Variants in SCYL1 observed in about 807,000 individuals in gnomAD.
The protein encoded by SCYL1 is N-terminal kinase-like protein.
SCYL1 carries 85 observed loss-of-function variants against 94.8 expected under a neutral mutation model. That is an observed-to-expected ratio of 0.90 (90% CI 0.75 to 1.07). SCYL1 has a LOEUF of 1.07. Ranked by LOEUF, SCYL1 falls within the 50% of genes least tolerant of loss-of-function variation. The pLI, the probability that SCYL1 is intolerant of heterozygous loss-of-function variation, is 0.00. For missense variants in SCYL1, 968 were observed against 1,083.3 expected, an observed-to-expected ratio of 0.89 and a Z score of 1.49; for synonymous variants, 459 against 435.5, an observed-to-expected ratio of 1.05 and a Z score of -0.67.
Position 65,527,056 on chromosome 11 carries a change from C to T in SCYL1, c.788C>T (p.Ala263Val), listed in dbSNP as rs1277907116. The change falls in exon 6 of 18, where the codon GCA (alanine) becomes GTA (valine). Residue 263 changes from alanine to valine, a missense_variant. Physicochemically the swap from Ala to Val is moderately conservative, Grantham distance 64 (BLOSUM62 0). Transcript: ENST00000270176. ...NPARFLQNCR[A>V]PGGFMSNRFV... ...GCCCGCTTCCTGCAGAACTGCCGGG[C>T]ACCTGGTGGCTTCATGAGCAACCGC... is the stretch of plus-strand genomic sequence containing the variant. 6.2e-7 allele frequency: 1 copy of T among 1,613,546 alleles called. No individual in the cohort carries two copies. Among genetic ancestry groups the T allele is most frequent in the African/African-American group, 1.3e-5 (1 of 74,920 alleles).
In SCYL1 at chr11:65,532,655, G is replaced by A. The variant is rs952506175; in HGVS notation, c.1117-37G>A. On this transcript the variant is annotated intron_variant, in intron 8 of 17. Transcript: ENST00000270176. ...ATGGCTATGGGGATAGAGTGGGAAG[G>A]GCTGACCATGTTGACGCATCCCAAC... 7.2e-6 allele frequency: 11 copies of A among 1,524,386 alleles called. No individual in the cohort carries two copies. The Admixed American group carries it at 1.8e-4, about 26-fold the overall frequency. The allele number at this position is 1,524,386 out of a possible 1,614,324, so 94.4% of individuals were successfully genotyped here.
intron 15 of SCYL1, 43 bp downstream of exon 15, chr11:65,537,923 C>A (rs750596335): frequency 1.3e-6 from 2 of 1,583,742 alleles, no homozygotes; most frequent in East Asian, 2.3e-5. Flanking sequence ...GGGGCTCTTT[C>A]CTCCTTGGGC....
chr11:65,538,597 G>A lies in SCYL1; in HGVS notation c.*31G>A, dbSNP rs2135110586. On this transcript the variant is annotated 3_prime_UTR_variant, in exon 18 of 18. Transcript: ENST00000270176. ...GGCGGTGGCCCTTCCCGGCTGCGGAGAGCCCGCCCCACAGATGTATTTATT... is the reference window on the plus strand; with the variant it reads ...GGCGGTGGCCCTTCCCGGCTGCGGAAAGCCCGCCCCACAGATGTATTTATT... 2.5e-6 allele frequency: 4 copies of A among 1,600,350 alleles called. No homozygotes were observed. The highest frequency in any genetic ancestry group is 2.2e-5 in the East Asian group (1 of 44,550).
In SCYL1 at chr11:65,537,092, T is replaced by C. The variant is rs748185741; in HGVS notation, c.1923T>C (p.Ala641=). The change falls in exon 14 of 18, where the codon GCT becomes GCC. Residue 641 remains alanine (A), a synonymous_variant. Coordinates refer to ENST00000270176, the MANE Select transcript of SCYL1 (RefSeq NM_020680.4). The stretch of plus-strand genomic sequence containing the variant: ...ACACAGCAGAGGACAGCAGCACTGC[T>C]GACAGATGGGACGACGAAGACTGGG... The part of the protein sequence containing the change: ...DKDTAEDSST[A]DRWDDEDWGS... The C allele has an allele frequency of 5.6e-6, 9 of 1,614,126 alleles. No homozygotes were observed. The East Asian group carries it at 2.0e-4, about 36-fold the overall frequency.
rs558878075 is a variant in SCYL1 at position 65,535,343 on chromosome 11, A to C, written c.1347A>C (p.Thr449=). The C allele has an allele frequency of 2.9e-5, 47 of 1,614,258 alleles. No homozygotes were observed. The South Asian group carries it at 4.0e-4, about 14-fold the overall frequency. The change falls in exon 10 of 18, where the codon ACA becomes ACC. Residue 449 remains threonine, a synonymous_variant. Coordinates refer to ENST00000270176, the MANE Select transcript of SCYL1 (RefSeq NM_020680.4). ...DEQGPIRCNT[T]VCLGKIGSYL... ...AGGGCCCCATCCGCTGCAACACCAC[A>C]GTCTGCCTGGGCAAAATCGGCTCCT...
rs1855330170 is a variant in SCYL1 at position 65,530,899 on chromosome 11, G to C, written c.1008+112G>C. 10 of 1,212,012 alleles carry C rather than the reference G, an allele frequency of 8.3e-6. No individual in the cohort carries two copies. The South Asian group carries it at 1.4e-4, about 17-fold the overall frequency. 75.1% of individuals were successfully genotyped at this position (1,212,012 alleles called of 1,614,324 possible). On this transcript the variant is annotated intron_variant, in intron 7 of 17. Coordinates refer to ENST00000270176, the MANE Select transcript of SCYL1 (RefSeq NM_020680.4). Reference sequence around the variant, plus strand: ...GGCAGACCCAAGCCCATATGAGCAGGAGCTTCCTGCCAGTGTCTATAAACA... The same window carrying C: ...GGCAGACCCAAGCCCATATGAGCAGCAGCTTCCTGCCAGTGTCTATAAACA...
In SCYL1 at chr11:65,525,935, C is replaced by T. The variant is rs1451792792; in HGVS notation, c.267C>T (p.Leu89=). The part of the protein sequence containing the change: ...YIDGLETEKC[L]HVVTEAVTPL... ...CCCTTCCCCAGACAGAAAAATGCCT[C>T]CACGTCGTGACAGAGGCTGTGACCC... Residue 89 remains leucine (L), a synonymous_variant, in exon 3 of 18, where the codon CTC becomes CTT. Transcript: ENST00000270176. 4 of 1,613,558 alleles carry T rather than the reference C, an allele frequency of 2.5e-6. No individual in the cohort carries two copies. Among genetic ancestry groups the T allele is most frequent in the Non-Finnish European group, 1.7e-6 (2 of 1,179,900 alleles).
Position 65,538,614 on chromosome 11 carries a change from G to GTAT in SCYL1, c.*50_*52dup. 1 of 1,584,746 alleles carries GTAT rather than the reference G, an allele frequency of 6.3e-7. No homozygotes were observed. On this transcript the variant is annotated 3_prime_UTR_variant, in exon 18 of 18. Transcript: ENST00000270176. ...GCTGCGGAGAGCCCGCCCCACAGAT[G>GTAT]TATTTATTGTACAAACCATGTGAGC...
rs1406037810 is a variant in SCYL1, at chr11:65,538,478, A to T, written c.2339A>T (p.Glu780Val). 6.3e-7 allele frequency: 1 copy of T among 1,589,604 alleles called. No homozygotes were observed. Among genetic ancestry groups the T allele is most frequent in the South Asian group, 1.1e-5 (1 of 87,832 alleles). Reference sequence around the variant, plus strand: ...GCTGAGCTGGCCCGGAAGAAGCGCGAGGAGCGGCGGCGGGAGATGGAGGCC... The same window carrying T: ...GCTGAGCTGGCCCGGAAGAAGCGCGTGGAGCGGCGGCGGGAGATGGAGGCC... ...VKAELARKKR[E>V]ERRREMEAKR... is the part of the protein sequence containing the mutation. The change falls in exon 18 of 18, where the codon GAG becomes GTG. Residue 780 changes from glutamate (E) to valine (V), a missense_variant. This residue lies in a region of SCYL1 where 474 missense variants were observed against 463.6 expected (regional missense o/e 1.02). Coordinates refer to ENST00000270176, the MANE Select transcript of SCYL1 (RefSeq NM_020680.4).
At chr11:65,536,508 A>G in intron 12 of SCYL1, 78 bp from the exon 13 acceptor site, 1 of 1,523,156 alleles carries the variant, frequency 6.6e-7, no homozygotes, top group Non-Finnish European at 9.0e-7. Context: ...GCTGCAGGGC[A>G]CTGTCAGTTC....
Position 65,536,997 on chromosome 11 carries a change from C to T in SCYL1, c.1828C>T (p.Pro610Ser), listed in dbSNP as rs200031106. The T allele has an allele frequency of 3.7e-6, 6 of 1,611,930 alleles. No individual in the cohort carries two copies. In the African/African-American group the frequency reaches 6.7e-5, roughly 18 times the overall value. The change falls in exon 14 of 18, where the codon CCA becomes TCA. Residue 610 changes from proline to serine, a missense_variant. This residue lies in a region of SCYL1 where 474 missense variants were observed against 463.6 expected (regional missense o/e 1.02). Coordinates refer to ENST00000270176, the MANE Select transcript of SCYL1 (RefSeq NM_020680.4). Reference sequence around the variant, plus strand: ...CCTCTGCTCCCCAGGAGTTCCTGCCCCAGCCCCCACCCCTGTTCCTGCCAC... The same window carrying T: ...CCTCTGCTCCCCAGGAGTTCCTGCCTCAGCCCCCACCCCTGTTCCTGCCAC... Reference protein sequence around the residue: ...QRPTPEGVPAPAPTPVPATPT... With the variant: ...QRPTPEGVPASAPTPVPATPT...
At position 65,537,233 on chromosome 11, in the gene SCYL1, C is replaced by G. The variant is rs562013183; in HGVS notation, c.1959+105C>G. On this transcript the variant is annotated intron_variant, in intron 14 of 17. Transcript: ENST00000270176. ...CTGGCTGGAGTTGGCCTGTCCTCAT[C>G]AGCACAGCATCCCTGGCACGTAGGC... 12 of 1,259,520 alleles carry G rather than the reference C, an allele frequency of 9.5e-6. No individual in the cohort carries two copies. The African/African-American group carries it at 1.3e-4, about 14-fold the overall frequency. 78.0% of individuals were successfully genotyped at this position (1,259,520 alleles called of 1,614,324 possible). A position where few individuals can be genotyped will look rare whatever the true frequency, so the allele number is the denominator to read the frequency against.
chr11:65,537,180 G>A (rs759978597), intron 14 of SCYL1, 52 bp downstream of exon 14: 1 of 1,605,268 alleles, frequency 6.2e-7, no homozygotes, highest in South Asian at 1.1e-5. Flanking sequence ...AAATCCACAG[G>A]CTGCCATTCA....
At chr11:65,537,193 G>A (rs896777093) in intron 14 of SCYL1, 65 bp downstream of exon 14, 2 of 1,583,546 alleles carry the variant, frequency 1.3e-6, no homozygotes, top group South Asian at 1.1e-5. Context: ...GCCATTCAGG[G>A]AGCTTCTGTG....
chr11:65,530,508 G>C, intron 6 of SCYL1, 121 bp from the exon 7 acceptor site: 3 of 1,128,700 alleles, frequency 2.7e-6, no homozygotes, highest in Non-Finnish European at 3.7e-6. Flanking sequence ...TTGAACCCAG[G>C]CAGCCAGGCT....
In SCYL1 at chr11:65,532,866, C is replaced by T. The variant is rs1855457113; in HGVS notation, c.1230+61C>T. On this transcript the variant is annotated intron_variant, in intron 9 of 17. Transcript: ENST00000270176. ...TTTTCCAAGGCTTGGAGGGGCTCAC[C>T]CTAGACACAGAGGCCTTGGCTTTGG... 3.9e-6 allele frequency: 5 copies of T among 1,295,604 alleles called. 1 individual carries two copies. The highest frequency in any genetic ancestry group is 3.6e-5 in the South Asian group (3 of 83,216). 80.3% of individuals were successfully genotyped at this position (1,295,604 alleles called of 1,614,324 possible).
At chr11:65,537,671 A>C (rs974424886) in intron 14 of SCYL1, 138 bp from the exon 15 acceptor site, 3 of 705,086 alleles carry the variant, frequency 4.3e-6, no homozygotes, top group Non-Finnish European at 7.0e-6. Context: ...CATTTAATAG[A>C]TGGGAAACAG....
chr11:65,532,884 GGC>G, intron 9 of SCYL1, 79 bp downstream of exon 9: 1 of 1,114,916 alleles, frequency 9.0e-7, no homozygotes. Context: ...CAGAGGCCTT[GGC>G]TTTGGCCCAT....
intron 9 of SCYL1, among the ~76,000 whole-genome samples, chr11:65,534,676 TA>T (rs1166462423): frequency 6.6e-6 from 1 of 152,194 alleles, no homozygotes; most frequent in East Asian, 1.9e-4. Flanking sequence ...TGAGATCACC[TA>T]GGGCAAGAGT....
Sources: gnomAD v4.1 joint callset for allele counts (sites outside exome capture counted in the v4.1 genomes callset) on GRCh38, gnomAD v4.1.1 for gene constraint, gnomAD v4.1.1 regional missense constraint, MANE v1.5 for transcripts, NCBI Gene and HGNC (gene_info 2026-07-23, HGNC 2026-07-21) for gene names.